The following THSD4 variants were observed in gnomAD, a reference collection of about 807,000 sequenced individuals.
THSD4 encodes the protein thrombospondin type 1 domain containing 4.
A neutral mutation model predicts 119.0 loss-of-function variants in THSD4; 69 were observed. That is an observed-to-expected ratio of 0.58 (90% CI 0.48 to 0.71). The LOEUF (loss-of-function observed/expected upper bound fraction) is 0.71, where lower values mean the gene tolerates loss of function less well. THSD4 is among the 30% of genes least tolerant of loss of function. The pLI is 0.00. For missense variants in THSD4, 1,393 were observed against 1,391.1 expected, an observed-to-expected ratio of 1.00 and a Z score of -0.02; for synonymous variants, 524 against 540.4, an observed-to-expected ratio of 0.97 and a Z score of 0.42.
intron 6 of THSD4, among the ~76,000 whole-genome samples, chr15:71,366,996 C>G (rs895897942): frequency 1.3e-5 from 2 of 152,226 alleles, no homozygotes; most frequent in Admixed American, 6.5e-5. Flanking sequence ...GCTCCATTTT[C>G]TCAAAACATA....
rs535937194 is a variant in THSD4, at chr15:71,446,997, C to T, written c.1152+35174C>T. Among the ~76,000 whole-genome samples, 8 of 151,492 alleles carry T rather than the reference C, an allele frequency of 5.3e-5. No individual in the cohort carries two copies. In the East Asian group the frequency reaches 5.8e-4, roughly 11 times the overall value. ...ATTTAAAGAAGTCAGGGGAGTGGGC[C>T]GGGGGAGACAAGGACACAGGAATGA... is the stretch of plus-strand genomic sequence containing the variant. On this transcript the variant is annotated intron_variant, in intron 7 of 17. Transcript: ENST00000261862.
chr15:71,674,731 T>C (rs1006893379), intron 8 of THSD4, among the ~76,000 whole-genome samples: 23 of 152,184 alleles, frequency 1.5e-4, no homozygotes. Context: ...TGGCAATGGC[T>C]GGAGGCATTT....
chr15:71,622,701 T>C (rs960655382), intron 7 of THSD4, among the ~76,000 whole-genome samples: 1 of 152,172 alleles, frequency 6.6e-6, no homozygotes, highest in African/African-American at 2.4e-5. Context: ...AGAATAGCAA[T>C]TTTTGTAGGA....
At chr15:71,629,294 C>G (rs1225757102) in intron 7 of THSD4, among the ~76,000 whole-genome samples, 1 of 152,156 alleles carries the variant, frequency 6.6e-6, no homozygotes, top group Admixed American at 6.5e-5. Context: ...CCAGCCTTAT[C>G]TCAATGTGGA....
At chr15:71,688,792 A>C (rs2051978831) in intron 8 of THSD4, among the ~76,000 whole-genome samples, 1 of 150,740 alleles carries the variant, frequency 6.6e-6, no homozygotes, top group African/African-American at 2.4e-5. Flanking sequence ...TAATTTTCTA[A>C]AACCTGTGTT....
intron 7 of THSD4, among the ~76,000 whole-genome samples, chr15:71,445,093 T>TG (rs942080157): frequency 1.3e-4 from 20 of 152,304 alleles, no homozygotes; most frequent in African/African-American, 4.3e-4. Context: ...TGTTTTTCTA[T>TG]GGGGAATACC....
At chr15:71,577,951 G>A (rs2049485236) in intron 7 of THSD4, among the ~76,000 whole-genome samples, 1 of 150,898 alleles carries the variant, frequency 6.6e-6, no homozygotes, top group Non-Finnish European at 1.5e-5. Flanking sequence ...TCAAACTCCT[G>A]TCCTCAGATG....
intron 3 of THSD4, among the ~76,000 whole-genome samples, chr15:71,166,685 C>T (rs1166060528): frequency 1.3e-5 from 2 of 152,110 alleles, no homozygotes; most frequent in African/African-American, 4.8e-5. Flanking sequence ...AATTTTGTTG[C>T]TCCCCCGGTG....
chr15:71,318,068 G>A (rs142050452), intron 6 of THSD4, among the ~76,000 whole-genome samples: 46 of 152,236 alleles, frequency 3.0e-4, no homozygotes, highest in African/African-American at 1.1e-3. Context: ...GTGGCTTTTG[G>A]GGGGCAGTAG....
chr15:71,569,577 G>C (rs548632680), intron 7 of THSD4, among the ~76,000 whole-genome samples: 1 of 152,312 alleles, frequency 6.6e-6, no homozygotes, highest in African/African-American at 2.4e-5. Flanking sequence ...TAGGACATGA[G>C]TAAGACTGGT....
chr15:71,300,770 C>T (rs1287317958), intron 6 of THSD4, among the ~76,000 whole-genome samples: 1 of 152,052 alleles, frequency 6.6e-6, no homozygotes, highest in Non-Finnish European at 1.5e-5. Flanking sequence ...CGATTAAGTT[C>T]CAGATTAAGA....
chr15:71,181,601 C>G (rs2043528893), intron 3 of THSD4, among the ~76,000 whole-genome samples: 1 of 152,194 alleles, frequency 6.6e-6, no homozygotes, highest in Non-Finnish European at 1.5e-5. Flanking sequence ...GAAGGAACAT[C>G]TCTGTCAATG....
intron 3 of THSD4, chr15:71,164,755 T>A: frequency 6.3e-7 from 1 of 1,587,438 alleles, no homozygotes; most frequent in Non-Finnish European, 8.5e-7. Context: ...AAAAAAAAAC[T>A]GCGCTAGAAC....
intron 7 of THSD4, among the ~76,000 whole-genome samples, chr15:71,452,168 G>T (rs1487790709): frequency 6.6e-6 from 1 of 152,080 alleles, no homozygotes; most frequent in African/African-American, 2.4e-5. Context: ...CTGGCTTTGT[G>T]GCTGCTGTGC....
intron 5 of THSD4, among the ~76,000 whole-genome samples, chr15:71,244,724 T>C (rs1422064069): frequency 1.3e-5 from 2 of 152,166 alleles, no homozygotes. Context: ...GGAAAGTGCT[T>C]TGTAAATCAA....
At chr15:71,385,584 TAAAGCGAA>T (rs78229952) in intron 6 of THSD4, among the ~76,000 whole-genome samples, 149,573 of 152,250 alleles carry the variant, frequency 0.98, 73,533 homozygotes, top group Middle Eastern at 1. Context: ...TGGAGTTCGC[TAAAGCGAA>T]TAAATTTGAA....
At chr15:71,511,380 A>G (rs2048281277) in intron 7 of THSD4, among the ~76,000 whole-genome samples, 1 of 152,180 alleles carries the variant, frequency 6.6e-6, no homozygotes, top group African/African-American at 2.4e-5. Context: ...GTGGGGAATA[A>G]AGGTGGGAGG....
At chr15:71,503,179 A>G (rs963688238) in intron 7 of THSD4, among the ~76,000 whole-genome samples, 3 of 152,144 alleles carry the variant, frequency 2.0e-5, no homozygotes, top group African/African-American at 4.8e-5. Flanking sequence ...GTGAAGATCT[A>G]TTGGAAAGAC....
intron 1 of THSD4, among the ~76,000 whole-genome samples, chr15:71,130,922 T>G (rs1429520442): frequency 6.6e-6 from 1 of 152,126 alleles, no homozygotes; most frequent in Non-Finnish European, 1.5e-5. Flanking sequence ...TTTTTTGTAT[T>G]TTTAGTAGAG....
Sources: gnomAD v4.1 joint callset for allele counts (sites outside exome capture counted in the v4.1 genomes callset) on GRCh38, gnomAD v4.1.1 for gene constraint, MANE v1.5 for transcripts, NCBI Gene and HGNC (gene_info 2026-07-23, HGNC 2026-07-21) for gene names.